Variants in CTNNBL1 observed in about 807,000 individuals in gnomAD.
CTNNBL1 encodes the protein beta-catenin-like protein 1.
Under a neutral mutation model 72.7 loss-of-function variants are expected in CTNNBL1, and 31 were observed. The ratio of observed to expected loss-of-function variants is 0.43; its 90% CI spans 0.32 to 0.58. The LOEUF is 0.58. CTNNBL1 is among the 20% of genes least tolerant of loss of function. The probability of loss-of-function intolerance (pLI) is 0.08; values close to 1 mark genes in which losing one functional copy is unlikely to be tolerated. For synonymous variants in CTNNBL1, 240 were observed against 267.3 expected (o/e 0.90, Z 1.00); for missense variants, 534 against 725.1 (o/e 0.74, Z 3.03).
intron 15 of CTNNBL1, among the ~76,000 whole-genome samples, chr20:37,869,206 C>A (rs189116540): frequency 2.6e-5 from 4 of 152,270 alleles, no homozygotes; most frequent in African/African-American, 9.6e-5. Flanking sequence ...TGGCACACGA[C>A]CAAAGTAATA....
At chr20:37,859,842 A>C in intron 13 of CTNNBL1, 57 bp from the exon 14 acceptor site, 2 of 1,590,220 alleles carry the variant, frequency 1.3e-6, no homozygotes, top group Non-Finnish European at 1.7e-6. Context: ...CTAGGAGTCC[A>C]TTCTTTCCTC....
intron 13 of CTNNBL1, among the ~76,000 whole-genome samples, chr20:37,845,418 G>A (rs141789710): frequency 4.6e-5 from 7 of 152,304 alleles, no homozygotes; most frequent in Non-Finnish European, 1.0e-4. Context: ...TGTGTGCCAC[G>A]GGCACCAAGG....
intron 11 of CTNNBL1, among the ~76,000 whole-genome samples, chr20:37,835,142 A>T (rs2072242757): frequency 6.6e-6 from 1 of 152,218 alleles, no homozygotes. Flanking sequence ...ACATAGTGTG[A>T]TGGTTAATTT....
chr20:37,719,430 G>C (rs956763465), intron 1 of CTNNBL1, among the ~76,000 whole-genome samples: 31 of 152,132 alleles, frequency 2.0e-4, no homozygotes, highest in African/African-American at 7.2e-4. Context: ...CTAACCGGAA[G>C]GCTCAATAAT....
At chr20:37,694,410 A>AC (rs1340919935) in intron 1 of CTNNBL1, among the ~76,000 whole-genome samples, 1 of 151,526 alleles carries the variant, frequency 6.6e-6, no homozygotes, top group Non-Finnish European at 1.5e-5. Context: ...CTCCTCTGAA[A>AC]CCCCAGACTA....
chr20:37,810,432 A>G (rs1213939102), intron 11 of CTNNBL1, among the ~76,000 whole-genome samples: 1 of 151,386 alleles, frequency 6.6e-6, no homozygotes, highest in African/African-American at 2.4e-5. Flanking sequence ...TGGATCTCGC[A>G]TAGCCCAGGT....
At chr20:37,860,620 A>G (rs1032875929) in intron 15 of CTNNBL1, among the ~76,000 whole-genome samples, 8 of 152,242 alleles carry the variant, frequency 5.3e-5, no homozygotes, top group Non-Finnish European at 1.0e-4. Context: ...TAAAAAAGCA[A>G]AACAAAAAAT....
intron 1 of CTNNBL1, among the ~76,000 whole-genome samples, chr20:37,706,159 G>A (rs1163515199): frequency 6.6e-6 from 1 of 152,188 alleles, no homozygotes; most frequent in African/African-American, 2.4e-5. Flanking sequence ...GGTGGATGGA[G>A]GGTCTTGCCT....
At chr20:37,725,292 C>T (rs1024309017) in intron 1 of CTNNBL1, among the ~76,000 whole-genome samples, 1 of 151,576 alleles carries the variant, frequency 6.6e-6, no homozygotes, top group Non-Finnish European at 1.5e-5. Flanking sequence ...CAACCTTGAG[C>T]CTCTTTGATT....
At chr20:37,830,401 CT>C (rs1348282329) in intron 11 of CTNNBL1, among the ~76,000 whole-genome samples, 2 of 152,114 alleles carry the variant, frequency 1.3e-5, no homozygotes, top group Non-Finnish European at 2.9e-5. Context: ...GCTCCGCTTG[CT>C]AGGGCCTCCT....
intron 12 of CTNNBL1, among the ~76,000 whole-genome samples, chr20:37,841,448 A>G (rs1315988257): frequency 6.6e-6 from 1 of 152,194 alleles, no homozygotes; most frequent in Non-Finnish European, 1.5e-5. Flanking sequence ...ATGGTCATGA[A>G]AATACTTTAT....
chr20:37,845,000 T>C (rs1568807567), intron 13 of CTNNBL1, among the ~76,000 whole-genome samples: 1 of 152,188 alleles, frequency 6.6e-6, no homozygotes, highest in Non-Finnish European at 1.5e-5. Context: ...AGACTAAGCA[T>C]AAAGTATAGA....
intron 13 of CTNNBL1, 120 bp from the exon 14 acceptor site, chr20:37,859,779 G>T: frequency 1.1e-6 from 1 of 947,906 alleles, no homozygotes; most frequent in Non-Finnish European, 1.6e-6. Context: ...AAGATGAGGT[G>T]ATTTTCTTTT....
rs775409553 is a variant in CTNNBL1 at position 37,710,754 on chromosome 20, C to A, written c.30+16602C>A. Among the ~76,000 whole-genome samples the A allele has an allele frequency of 1.9e-4, 29 of 152,074 alleles. 1 individual carries two copies. Among genetic ancestry groups the A allele is most frequent in the Admixed American group, 6.6e-4 (10 of 15,258 alleles). ...CATTTACCTGTCTGATTGCCTTAAC[C>A]CTGTATCTTTTAGTCAGCCTTATAT... On this transcript the variant is annotated intron_variant, in intron 1 of 15. Coordinates refer to ENST00000361383, the MANE Select transcript of CTNNBL1 (RefSeq NM_030877.5).
chr20:37,716,589 G>A (rs1347843478), intron 1 of CTNNBL1, among the ~76,000 whole-genome samples: 3 of 152,104 alleles, frequency 2.0e-5, no homozygotes, highest in African/African-American at 7.2e-5. Flanking sequence ...TTGAGTTGAG[G>A]AAATAAAGTG....
At chr20:37,815,887 G>C (rs1029700657) in intron 11 of CTNNBL1, among the ~76,000 whole-genome samples, 1 of 152,188 alleles carries the variant, frequency 6.6e-6, no homozygotes, top group African/African-American at 2.4e-5. Flanking sequence ...ATACAATTAC[G>C]TGTGTGAGGT....
In CTNNBL1 at chr20:37,765,240, G is replaced by A. The variant is rs886253006; in HGVS notation, c.608G>A (p.Arg203His). The A allele has an allele frequency of 2.4e-5, 38 of 1,551,410 alleles. No homozygotes were observed. The highest frequency in any genetic ancestry group is 4.9e-5 in the East Asian group (2 of 40,942). ...GCACTGCTGGTACAGAATCTGGAGC[G>A]CCTGGATGAGTCTGTGAAAGAGGAG... is the stretch of plus-strand genomic sequence containing the variant. ...VVALLVQNLERLDESVKEEAD... is the reference protein window; with the variant it reads ...VVALLVQNLEHLDESVKEEAD... Residue 203 changes from arginine (R) to histidine (H), a missense_variant, in exon 6 of 16, where the codon CGC becomes CAC. By Grantham distance (29) the Arg-to-His change is conservative (BLOSUM62 0). Transcript: ENST00000361383.
At chr20:37,799,106 A>C (rs1451540493) in intron 10 of CTNNBL1, among the ~76,000 whole-genome samples, 3 of 152,038 alleles carry the variant, frequency 2.0e-5, no homozygotes, top group African/African-American at 7.2e-5. Context: ...TTTTCATACC[A>C]TTGCTGTAGT....
intron 15 of CTNNBL1, among the ~76,000 whole-genome samples, chr20:37,871,114 G>A (rs575853820): frequency 6.6e-6 from 1 of 152,272 alleles, no homozygotes; most frequent in South Asian, 2.1e-4. Flanking sequence ...AGCATCACCT[G>A]GAGACTCAAT....
Sources: allele counts gnomAD v4.1 joint callset (sites outside exome capture counted in the v4.1 genomes callset), GRCh38; gene constraint gnomAD v4.1.1; transcripts MANE v1.5; gene names NCBI Gene and HGNC (gene_info 2026-07-23, HGNC 2026-07-21).